The following MYO5B variants were observed in gnomAD, a reference collection of about 807,000 sequenced individuals.
MYO5B encodes the protein unconventional myosin-Vb.
MYO5B carries 143 observed loss-of-function variants against 229.3 expected under a neutral mutation model. The observed-to-expected ratio is 0.62, with a 90% CI of 0.54 to 0.72. MYO5B has a LOEUF of 0.72. MYO5B is among the 30% of genes least tolerant of loss of function. MYO5B has a pLI of 0.00. For missense variants in MYO5B, 2,321 were observed against 2,331.0 expected, an observed-to-expected ratio of 1.00 and a Z score of 0.09; for synonymous variants, 918 against 885.2, an observed-to-expected ratio of 1.04 and a Z score of -0.66.
chr18:50,087,503 G>A (rs567568017), intron 1 of MYO5B, among the ~76,000 whole-genome samples: 1 of 151,214 alleles, frequency 6.6e-6, no homozygotes, highest in Admixed American at 6.6e-5. Flanking sequence ...AACCTGGGAA[G>A]TGGAGGTTGC....
At chr18:49,831,801 A>G (rs1023071961) in intron 39 of MYO5B, among the ~76,000 whole-genome samples, 2 of 152,242 alleles carry the variant, frequency 1.3e-5, no homozygotes, top group Non-Finnish European at 2.9e-5. Flanking sequence ...TCCTTGTGCA[A>G]CAATGTTCAT....
chr18:49,921,016 G>A (rs1236330514), intron 17 of MYO5B, among the ~76,000 whole-genome samples: 1 of 152,180 alleles, frequency 6.6e-6, no homozygotes, highest in Non-Finnish European at 1.5e-5. Flanking sequence ...TTCTTCCTCT[G>A]TGGGATGTTT....
intron 21 of MYO5B, 120 bp downstream of exon 21, chr18:49,902,474 G>C (rs1351638863): frequency 5.1e-6 from 7 of 1,375,460 alleles, no homozygotes; most frequent in Non-Finnish European, 7.1e-6. Flanking sequence ...TGTGGTCTGA[G>C]GACGTCTGTG....
intron 2 of MYO5B, among the ~76,000 whole-genome samples, chr18:50,042,172 A>G (rs1329733443): frequency 6.6e-6 from 1 of 152,190 alleles, no homozygotes; most frequent in African/African-American, 2.4e-5. Context: ...TTCATTGATG[A>G]ACTCTTCCTT....
At chr18:49,875,983 C>G (rs1311460006) in intron 25 of MYO5B, among the ~76,000 whole-genome samples, 156 bp from the exon 26 acceptor site, 1 of 152,248 alleles carries the variant, frequency 6.6e-6, no homozygotes, top group African/African-American at 2.4e-5. Context: ...TGACAACCAA[C>G]TAACATTTCT....
At chr18:49,953,656 G>A (rs534387543) in intron 13 of MYO5B, among the ~76,000 whole-genome samples, 1 of 152,276 alleles carries the variant, frequency 6.6e-6, no homozygotes, top group South Asian at 2.1e-4. Context: ...CAAGACCCTA[G>A]GTGATTCATA....
At chr18:49,964,796 T>G (rs2025603465) in intron 10 of MYO5B, among the ~76,000 whole-genome samples, 1 of 152,200 alleles carries the variant, frequency 6.6e-6, no homozygotes, top group South Asian at 2.1e-4. Flanking sequence ...ATCAACACTA[T>G]CATTCATTGC....
At chr18:49,853,338 A>G (rs949417712) in intron 31 of MYO5B, 111 bp downstream of exon 31, 5 of 1,078,586 alleles carry the variant, frequency 4.6e-6, no homozygotes, top group Non-Finnish European at 7.0e-6. Context: ...TGTTCCTACT[A>G]TAGGGCCAAG....
chr18:50,070,483 G>C (rs1440784552), intron 1 of MYO5B, among the ~76,000 whole-genome samples: 1 of 151,862 alleles, frequency 6.6e-6, no homozygotes, highest in Non-Finnish European at 1.5e-5. Context: ...ATTATCACAA[G>C]GGTTGGGGAG....
At chr18:49,830,331 CAAG>C (rs1319372695) in intron 39 of MYO5B, among the ~76,000 whole-genome samples, 1 of 152,038 alleles carries the variant, frequency 6.6e-6, no homozygotes, top group Non-Finnish European at 1.5e-5. Flanking sequence ...TAAATCTAGC[CAAG>C]AAGGTGCAAC....
At chr18:50,082,264 G>C (rs529619452) in intron 1 of MYO5B, among the ~76,000 whole-genome samples, 1 of 152,304 alleles carries the variant, frequency 6.6e-6, no homozygotes, top group South Asian at 2.1e-4. Context: ...ATTCCCTGTG[G>C]TTACTGGATT....
At chr18:50,081,428 A>C (rs1440491812) in intron 1 of MYO5B, among the ~76,000 whole-genome samples, 1 of 152,108 alleles carries the variant, frequency 6.6e-6, no homozygotes, top group Non-Finnish European at 1.5e-5. Context: ...TGATTCATAC[A>C]CTCTACACAC....
At chr18:49,826,855 A>G (rs1250152015) in intron 39 of MYO5B, among the ~76,000 whole-genome samples, 2 of 152,196 alleles carry the variant, frequency 1.3e-5, no homozygotes, top group Non-Finnish European at 2.9e-5. Flanking sequence ...TCCCAATTCT[A>G]GCATTCTTTA....
At chr18:50,035,410 TA>T in intron 4 of MYO5B, among the ~76,000 whole-genome samples, 1 of 152,332 alleles carries the variant, frequency 6.6e-6, no homozygotes, top group South Asian at 2.1e-4. Context: ...AACCATCTTC[TA>T]AAGGAGGAAA....
chr18:49,867,128 G>A (rs2024405689), intron 27 of MYO5B, among the ~76,000 whole-genome samples: 1 of 152,168 alleles, frequency 6.6e-6, no homozygotes, highest in Non-Finnish European at 1.5e-5. Flanking sequence ...CTTCAGAAGG[G>A]TTTCCCTGGT....
At chr18:49,867,040 T>G (rs631052) in intron 27 of MYO5B, among the ~76,000 whole-genome samples, 112,283 of 151,040 alleles carry the variant, frequency 0.74, 41,761 homozygotes, top group Admixed American at 0.84. Context: ...AGAGCAGAGC[T>G]GGTGGGGGTC....
At position 49,957,142 on chromosome 18, in the gene MYO5B, C is replaced by CAAAAAAAAA. The variant is rs71169467; in HGVS notation, c.1546-2716_1546-2708dup. 1.4e-3 allele frequency among the ~76,000 whole-genome samples: 81 copies of CAAAAAAAAA among 58,704 alleles called. 10 individuals carry two copies. The highest frequency in any genetic ancestry group is 2.6e-3 in the African/African-American group (33 of 12,596). 38.5% of individuals were successfully genotyped at this position (58,704 alleles called of 152,430 possible). A position where few individuals can be genotyped will look rare whatever the true frequency, so the allele number is the denominator to read the frequency against. ...ACTCCTTGCTAGTAAAATAAAGTAG[C>CAAAAAAAAA]AAAAAAAAAAAAAAAAAAAAAAAGC... On this transcript the variant is annotated intron_variant, in intron 12 of 39. Coordinates refer to ENST00000285039, the MANE Select transcript of MYO5B (RefSeq NM_001080467.3).
chr18:49,949,442 C>T (rs1052094534), intron 14 of MYO5B, among the ~76,000 whole-genome samples: 6 of 152,048 alleles, frequency 3.9e-5, no homozygotes, highest in African/African-American at 1.4e-4. Flanking sequence ...TCTCTATTTA[C>T]AGCTCCGATA....
chr18:49,875,629 A>G, intron 26 of MYO5B, 58 bp downstream of exon 26: 3 of 1,610,246 alleles, frequency 1.9e-6, no homozygotes, highest in Admixed American at 3.3e-5. Flanking sequence ...CCTGGACACA[A>G]GAGCTAGATT....
Sources: allele counts gnomAD v4.1 joint callset (sites outside exome capture counted in the v4.1 genomes callset), GRCh38; gene constraint gnomAD v4.1.1; transcripts MANE v1.5; gene names NCBI Gene and HGNC (gene_info 2026-07-23, HGNC 2026-07-21).